SPNS2: variants seen among roughly 807,000 people sequenced by gnomAD.
SPNS2 encodes the protein SPNS lysolipid transporter 2, sphingosine-1-phosphate, also known as sphingosine-1-phosphate transporter SPNS2.
A neutral mutation model predicts 57.6 loss-of-function variants in SPNS2; 37 were observed. The ratio of observed to expected loss-of-function variants is 0.64; its 90% CI spans 0.49 to 0.85. The LOEUF is 0.85. Among genes scored for constraint, SPNS2 ranks in the 40% least tolerant of loss-of-function variants. The pLI is 0.00. For synonymous variants in SPNS2, 440 were observed against 346.9 expected, an observed-to-expected ratio of 1.27 and a Z score of -2.98; for missense variants, 831 against 779.1, an observed-to-expected ratio of 1.07 and a Z score of -0.79.
rs767459076 is a variant in SPNS2 at position 4,536,939 on chromosome 17, C to A, written c.1647C>A (p.Val549=). 1.1e-5 allele frequency: 17 copies of A among 1,613,570 alleles called. No homozygotes were observed. The highest frequency in any genetic ancestry group is 1.4e-5 in the Non-Finnish European group (16 of 1,179,646). The change falls in exon 12 of 13, where the codon GTC becomes GTA. Residue 549 remains valine (V), a synonymous_variant. Coordinates refer to ENST00000329078, the MANE Select transcript of SPNS2 (RefSeq NM_001124758.3). ...QLAMPPASVK[V] is the part of the protein sequence containing the mutation. ...CGATGCCGCCCGCATCTGTGAAAGT[C>A]TGAGGTGGTGAGTGCAGGCCGGGAG... is the stretch of plus-strand genomic sequence containing the variant.
intron 3 of SPNS2, among the ~76,000 whole-genome samples, chr17:4,526,518 G>A (rs941796512): frequency 6.6e-6 from 1 of 151,822 alleles, no homozygotes; most frequent in South Asian, 2.1e-4. Flanking sequence ...CAGGAGAATC[G>A]CTTGAACCTC....
Position 4,533,428 on chromosome 17 carries a change from C to T in SPNS2, c.1274C>T (p.Ala425Val), listed in dbSNP as rs529713375. The change falls in exon 8 of 13, where the codon GCC becomes GTC. Residue 425 changes from alanine to valine, a missense_variant. Ala to Val is a moderately conservative substitution (Grantham distance 64). This residue lies in a region of SPNS2 where 526 missense variants were observed against 400.9 expected (regional missense o/e 1.31). Coordinates refer to ENST00000329078, the MANE Select transcript of SPNS2 (RefSeq NM_001124758.3). Reference sequence around the variant, plus strand: ...GCTGCCAAGAGCAGCATCGTAGGAGCCTATGTGAGTGCAGCGGGGGTCAAG... The same window carrying T: ...GCTGCCAAGAGCAGCATCGTAGGAGTCTATGTGAGTGCAGCGGGGGTCAAG... The part of the protein sequence containing the change: ...FVAAKSSIVG[A>V]YICIFVGETL... 25 of 1,599,060 alleles carry T rather than the reference C, an allele frequency of 1.6e-5. 1 individual carries two copies. The South Asian group carries it at 2.2e-4, about 14-fold the overall frequency.
chr17:4,528,911 T>C (rs1307907715), intron 3 of SPNS2, among the ~76,000 whole-genome samples: 6 of 151,876 alleles, frequency 4.0e-5, no homozygotes, highest in African/African-American at 1.5e-4. Context: ...GTAGCTAGGA[T>C]GCATCATGAT....
rs985895268 is a variant in SPNS2 at position 4,531,215 on chromosome 17, C to T, written c.792+96C>T. The T allele has an allele frequency of 2.8e-5, 32 of 1,146,058 alleles. 1 individual carries two copies. Among genetic ancestry groups the T allele is most frequent in the Admixed American group, 3.9e-5 (2 of 51,490 alleles). 71.0% of individuals were successfully genotyped at this position (1,146,058 alleles called of 1,614,324 possible). Reference sequence around the variant, plus strand: ...TAATCCAGGCTAGGACCTAGGCCTCCAGGATTCCTCCCCTGGCTGCGTGGA... The same window carrying T: ...TAATCCAGGCTAGGACCTAGGCCTCTAGGATTCCTCCCCTGGCTGCGTGGA... On this transcript the variant is annotated intron_variant, in intron 5 of 12. Transcript: ENST00000329078.
intron 2 of SPNS2, among the ~76,000 whole-genome samples, chr17:4,521,816 G>A (rs539796995): frequency 5.9e-5 from 9 of 152,340 alleles, no homozygotes; most frequent in East Asian, 5.8e-4. Flanking sequence ...GGACAATGGC[G>A]TGTCCCCGCA....
At chr17:4,525,667 C>G (rs1223123349) in intron 3 of SPNS2, among the ~76,000 whole-genome samples, 1 of 152,230 alleles carries the variant, frequency 6.6e-6, no homozygotes, top group Admixed American at 6.5e-5. Flanking sequence ...AGAGTCTTCT[C>G]ATTTAGCTCC....
At chr17:4,509,852 C>G (rs1313657335) in intron 1 of SPNS2, among the ~76,000 whole-genome samples, 2 of 152,222 alleles carry the variant, frequency 1.3e-5, no homozygotes, top group African/African-American at 4.8e-5. Flanking sequence ...TGGCTGGGGT[C>G]TGCATCTGGG....
chr17:4,509,601 G>A (rs1016260109), intron 1 of SPNS2, among the ~76,000 whole-genome samples: 4 of 152,040 alleles, frequency 2.6e-5, no homozygotes, highest in Non-Finnish European at 5.9e-5. Context: ...CTGAGTGCAC[G>A]GGCCCAAGCC....
In SPNS2 at chr17:4,512,155, C is replaced by A. The variant is rs556947604; in HGVS notation, c.371-1092C>A. Among the ~76,000 whole-genome samples the A allele has an allele frequency of 6.2e-4, 94 of 152,324 alleles. No homozygotes were observed. Among genetic ancestry groups the A allele is most frequent in the African/African-American group, 2.0e-3 (83 of 41,574 alleles). ...TCTGGAGTCCCCCAAAGGCTTCTGT[C>A]CCTGCCTGTAAGGCCCCCAAAGGCA... is the stretch of plus-strand genomic sequence containing the variant. On this transcript the variant is annotated intron_variant, in intron 1 of 12. Transcript: ENST00000329078. This position sits in a 1 kb window ranked among gnomAD's most constrained non-coding sequence, Gnocchi z 5.2.
At chr17:4,519,722 G>A (rs2144336314) in intron 2 of SPNS2, among the ~76,000 whole-genome samples, 1 of 145,708 alleles carries the variant, frequency 6.9e-6, no homozygotes, top group South Asian at 2.2e-4. Context: ...AAGACCACGG[G>A]ATTGCGGGGT....
intron 1 of SPNS2, among the ~76,000 whole-genome samples, chr17:4,507,404 C>T (rs967415546): frequency 6.6e-6 from 1 of 152,226 alleles, no homozygotes; most frequent in South Asian, 2.1e-4. Context: ...TGTCCTGTCC[C>T]ACTAGTTAAT....
chr17:4,533,722 G>A, intron 8 of SPNS2, 66 bp from the exon 9 acceptor site: 1 of 1,569,012 alleles, frequency 6.4e-7, no homozygotes, highest in East Asian at 2.2e-5. Flanking sequence ...AGTGTGTAGG[G>A]AACAGAGACT....
chr17:4,499,436 C>T lies in SPNS2; in HGVS notation c.370+19C>T. The T allele has an allele frequency of 7.7e-7, 1 of 1,303,650 alleles. No individual in the cohort carries two copies. Among genetic ancestry groups the T allele is most frequent in the Non-Finnish European group, 9.8e-7 (1 of 1,020,954 alleles). The allele number at this position is 1,303,650 out of a possible 1,614,324, so 80.8% of individuals were successfully genotyped here. On this transcript the variant is annotated intron_variant, in intron 1 of 12. Transcript: ENST00000329078. The surrounding 1 kb of genome is among the most constrained non-coding windows in gnomAD (Gnocchi z 5.2). Reference sequence around the variant, plus strand: ...GTGGCAGGTGAGCGAGTGCCCCACCCAGCCCGAGGACCAAGACCCCACCCC... The same window carrying T: ...GTGGCAGGTGAGCGAGTGCCCCACCTAGCCCGAGGACCAAGACCCCACCCC...
rs1161637986 is a variant in SPNS2, at chr17:4,538,507, C to T, written c.*1059C>T. ...GGCCTTCGATCACCCACCTCCCATCCATGCACACACCAGGATGCAGCTGCC... is the reference window on the plus strand; with the variant it reads ...GGCCTTCGATCACCCACCTCCCATCTATGCACACACCAGGATGCAGCTGCC... On this transcript the variant is annotated 3_prime_UTR_variant, in exon 13 of 13. Coordinates refer to ENST00000329078, the MANE Select transcript of SPNS2 (RefSeq NM_001124758.3). 1 of 289,528 alleles carries T rather than the reference C, an allele frequency of 3.5e-6. No homozygotes were observed. The highest frequency in any genetic ancestry group is 1.1e-4 in the East Asian group (1 of 9,016). 17.9% of individuals were successfully genotyped at this position (289,528 alleles called of 1,614,324 possible). A position where few individuals can be genotyped will look rare whatever the true frequency, so the allele number is the denominator to read the frequency against.
Position 4,528,723 on chromosome 17 carries a change from T to C in SPNS2, c.574-1909T>C, listed in dbSNP as rs924855135. Among the ~76,000 whole-genome samples, 8 of 151,880 alleles carry C rather than the reference T, an allele frequency of 5.3e-5. 1 individual carries two copies. The highest frequency in any genetic ancestry group is 1.9e-4 in the African/African-American group (8 of 41,338). ...AACTCCTGACCTCAGGTGATCCACT[T>C]GCCTTGACTTCCCAAAGTGCTGGGA... On this transcript the variant is annotated intron_variant, in intron 3 of 12. Transcript: ENST00000329078.
At chr17:4,531,607 C>T (rs927916626) in intron 5 of SPNS2, among the ~76,000 whole-genome samples, 25 of 151,888 alleles carry the variant, frequency 1.6e-4, no homozygotes, top group Admixed American at 9.2e-4. Flanking sequence ...CCTCGTCTCT[C>T]GGAGGAGCGG....
intron 2 of SPNS2, among the ~76,000 whole-genome samples, chr17:4,516,650 G>A (rs1480303205): frequency 5.3e-5 from 8 of 152,244 alleles, no homozygotes; most frequent in African/African-American, 1.9e-4. Context: ...GGGCTTTGAA[G>A]GATGAGTTAG....
intron 1 of SPNS2, among the ~76,000 whole-genome samples, chr17:4,502,746 C>T (rs1904558407): frequency 6.6e-6 from 1 of 152,200 alleles, no homozygotes; most frequent in Non-Finnish European, 1.5e-5. Flanking sequence ...CAGCTGCCTT[C>T]TCCTTCATGC....
intron 4 of SPNS2, 86 bp downstream of exon 4, chr17:4,530,869 A>G (rs1407392833): frequency 2.0e-6 from 3 of 1,538,080 alleles, no homozygotes; most frequent in Non-Finnish European, 1.8e-6. Context: ...CTGGGGTTCT[A>G]GCCCAGGCAG....
Sources: gnomAD v4.1 joint callset for allele counts (sites outside exome capture counted in the v4.1 genomes callset) on GRCh38, gnomAD v4.1.1 for gene constraint, gnomAD v4.1.1 regional missense constraint, Gnocchi (gnomAD v3.1) non-coding constraint, MANE v1.5 for transcripts, NCBI Gene and HGNC (gene_info 2026-07-23, HGNC 2026-07-21) for gene names.